ZNF469: variants seen among roughly 807,000 people sequenced by gnomAD.
ZNF469 encodes zinc finger protein 469.
In ZNF469, 1 loss-of-function variant was observed where a neutral mutation model predicts 1.0. That is an observed-to-expected ratio of 1.00 (90% CI 0.35 to 4.73). ZNF469 has a LOEUF of 4.73. ZNF469 is among the 30% of genes most tolerant of loss of function. The pLI, the probability that ZNF469 is intolerant of heterozygous loss-of-function variation, is 0.16. For missense variants in ZNF469, 6,100 were observed against 5,356.3 expected, an observed-to-expected ratio of 1.14 and a Z score of -4.33; for synonymous variants, 2,703 against 2,363.4, an observed-to-expected ratio of 1.14 and a Z score of -4.17.
At chr16:88,276,088 C>G in the ZNF469 span, among the ~76,000 whole-genome samples, 1 of 152,176 alleles carries the variant, frequency 6.6e-6, no homozygotes, top group Non-Finnish European at 1.5e-5. Context: ...GTGGACACCC[C>G]CTCTGGGGCA....
At chr16:88,177,655 G>A in the ZNF469 span, 1 of 152,210 alleles carries the variant, frequency 6.6e-6, no homozygotes, top group Admixed American at 6.5e-5. The surrounding 1 kb of genome is among the most constrained non-coding windows in gnomAD (Gnocchi z 4.8). Context: ...TGTTGCATCA[G>A]AGTGAAACTC....
chr16:88,425,292 T>C (rs905539413), intron 2 of ZNF469, among the ~76,000 whole-genome samples: 1 of 152,118 alleles, frequency 6.6e-6, no homozygotes, highest in African/African-American at 2.4e-5. Flanking sequence ...CCCCTCCTCC[T>C]CCATCACCTC....
the ZNF469 span, among the ~76,000 whole-genome samples, chr16:88,364,519 G>T: frequency 2.1e-5 from 3 of 141,976 alleles, no homozygotes; most frequent in Admixed American, 7.1e-5. Flanking sequence ...AAAAAAAGCT[G>T]CTGGGATTTA....
At chr16:88,274,419 T>C in the ZNF469 span, among the ~76,000 whole-genome samples, 1 of 152,226 alleles carries the variant, frequency 6.6e-6, no homozygotes, top group Non-Finnish European at 1.5e-5. Context: ...TTATGTGTAT[T>C]TTACCACAAT....
chr16:88,432,031 G>T lies in ZNF469; in HGVS notation c.4561G>T (p.Gly1521Ter). 6.4e-7 allele frequency: 1 copy of T among 1,550,426 alleles called. No homozygotes were observed. Among genetic ancestry groups the T allele is most frequent in the Non-Finnish European group, 8.7e-7 (1 of 1,146,976 alleles). The change falls in exon 3 of 3, where the codon GGA becomes TGA. Residue 1521 changes from glycine (G) to a stop codon, truncating the protein, a stop_gained. Transcript: ENST00000565624. LOFTEE classifies it low-confidence loss of function (END_TRUNC). ...TAGCCATTTTCCTGATCTCTCGGGG[G>T]GAAAGGTGCTCAGTAAGACGTGTCC... ...LPSHFPDLSG[G>*]KVLSKTCPPE...
At chr16:88,349,340 C>G in the ZNF469 span, among the ~76,000 whole-genome samples, 1 of 152,016 alleles carries the variant, frequency 6.6e-6, no homozygotes, top group African/African-American at 2.4e-5. Context: ...ATGAGCACCA[C>G]ACACCACACA....
chr16:88,123,807 CTT>C, the ZNF469 span, among the ~76,000 whole-genome samples: 13 of 152,098 alleles, frequency 8.5e-5, no homozygotes, highest in African/African-American at 3.1e-4. Flanking sequence ...ATATTTGACT[CTT>C]TTTTAAATTT....
the ZNF469 span, among the ~76,000 whole-genome samples, chr16:88,203,726 C>T: frequency 7.5e-5 from 9 of 119,920 alleles, no homozygotes; most frequent in South Asian, 1.3e-3. Flanking sequence ...CTGTGTCTGT[C>T]CCTGTGTGTG....
chr16:88,432,752 G>T lies in ZNF469; in HGVS notation c.5282G>T (p.Ser1761Ile), dbSNP rs1906289208. ...AAGGAGGCCGCCAGCTCACAAGAAA[G>T]TGAAGACTCCCTGCGGCTGCTTCCC... ...KNKEAASSQESEDSLRLLPCE... is the reference protein window; with the variant it reads ...KNKEAASSQEIEDSLRLLPCE... The change falls in exon 3 of 3, where the codon AGT (serine) becomes ATT (isoleucine). Residue 1761 changes from serine to isoleucine, a missense_variant. Ser to Ile is a moderately radical substitution (Grantham distance 142, BLOSUM62 -2). Coordinates refer to ENST00000565624, the MANE Select transcript of ZNF469 (RefSeq NM_001367624.2). 1 of 1,550,314 alleles carries T rather than the reference G, an allele frequency of 6.5e-7. No individual in the cohort carries two copies. Among genetic ancestry groups the T allele is most frequent in the African/African-American group, 1.4e-5 (1 of 73,062 alleles).
the ZNF469 span, among the ~76,000 whole-genome samples, chr16:88,112,418 C>G: frequency 6.6e-6 from 1 of 152,308 alleles, no homozygotes; most frequent in South Asian, 2.1e-4. Context: ...ACGAGGGTTC[C>G]CTTTTCCCAC....
chr16:88,282,196 C>T, the ZNF469 span, among the ~76,000 whole-genome samples: 1 of 152,180 alleles, frequency 6.6e-6, no homozygotes, highest in Non-Finnish European at 1.5e-5. Context: ...CACCTTCAGC[C>T]AGGCTCAAGG....
At chr16:88,158,672 G>A in the ZNF469 span, among the ~76,000 whole-genome samples, 2 of 152,210 alleles carry the variant, frequency 1.3e-5, no homozygotes, top group African/African-American at 4.8e-5. Context: ...GGAGAATGTG[G>A]CCACCGCTGC....
chr16:88,319,943 T>A, the ZNF469 span, among the ~76,000 whole-genome samples: 1 of 152,128 alleles, frequency 6.6e-6, no homozygotes, highest in Non-Finnish European at 1.5e-5. Context: ...TCATGTGGGG[T>A]CAGTGAGGGT....
At position 88,436,462 on chromosome 16, in the gene ZNF469, C is replaced by T. The variant is rs1906581372; in HGVS notation, c.8992C>T (p.Arg2998Ter). ...GCTGCACATGGTCCCAGCGGCTTGG[C>T]GAGGCCTGGAGATGCCGGCCCCTGC... is the stretch of plus-strand genomic sequence containing the variant. ...PELHMVPAAWRGLEMPAPADD... is the reference protein window; with the variant it reads ...PELHMVPAAW The change falls in exon 3 of 3, where the codon CGA becomes TGA. Residue 2998 changes from arginine to a stop codon, truncating the protein, a stop_gained. Coordinates refer to ENST00000565624, the MANE Select transcript of ZNF469 (RefSeq NM_001367624.2). LOFTEE classifies it low-confidence loss of function (END_TRUNC). The T allele has an allele frequency of 1.9e-6, 3 of 1,546,832 alleles. No homozygotes were observed. The highest frequency in any genetic ancestry group is 8.7e-7 in the Non-Finnish European group (1 of 1,146,960).
At chr16:88,253,367 G>T in the ZNF469 span, among the ~76,000 whole-genome samples, 1 of 152,030 alleles carries the variant, frequency 6.6e-6, no homozygotes, top group African/African-American at 2.4e-5. Context: ...GGCTTGTCTT[G>T]TTTTTTCCTT....
rs533289994 is a variant in ZNF469, at chr16:88,428,400, G to A, written c.930G>A (p.Gln310=). 4 of 1,548,428 alleles carry A rather than the reference G, an allele frequency of 2.6e-6. No individual in the cohort carries two copies. The highest frequency in any genetic ancestry group is 2.7e-5 in the African/African-American group (2 of 73,162). Residue 310 remains glutamine, a synonymous_variant, in exon 3 of 3, where the codon CAG becomes CAA. Transcript: ENST00000565624. The part of the protein sequence containing the change: ...GPLVFAFHQP[Q]GAWPEEAVGT... Reference sequence around the variant, plus strand: ...TGGTGTTTGCCTTCCATCAGCCCCAGGGAGCGTGGCCGGAGGAGGCCGTGG... The same window carrying A: ...TGGTGTTTGCCTTCCATCAGCCCCAAGGAGCGTGGCCGGAGGAGGCCGTGG...
At chr16:88,207,649 G>C in the ZNF469 span, among the ~76,000 whole-genome samples, 1 of 151,046 alleles carries the variant, frequency 6.6e-6, no homozygotes. Flanking sequence ...CCAAGGTGTC[G>C]ACGGGGCCGC....
Position 88,428,666 on chromosome 16 carries a change from G to C in ZNF469, c.1196G>C (p.Ser399Thr), listed in dbSNP as rs1905882597. 6 of 1,549,844 alleles carry C rather than the reference G, an allele frequency of 3.9e-6. No individual in the cohort carries two copies. Among genetic ancestry groups the C allele is most frequent in the Non-Finnish European group, 5.2e-6 (6 of 1,146,822 alleles). ...DGLGSTRGPP[S>T]SLPQRHFPGQ... ...CTGGGGAGCACGAGAGGGCCCCCTA[G>C]CTCCCTACCCCAGAGGCACTTTCCA... Residue 399 changes from serine (S) to threonine (T), a missense_variant, in exon 3 of 3, where the codon AGC becomes ACC. Physicochemically the swap from Ser to Thr is moderately conservative, Grantham distance 58 (BLOSUM62 1). Coordinates refer to ENST00000565624, the MANE Select transcript of ZNF469 (RefSeq NM_001367624.2).
At chr16:88,193,099 TTGATGGTGGTGGTGG>T in the ZNF469 span, among the ~76,000 whole-genome samples, 14 of 13,800 alleles carry the variant, frequency 1.0e-3, 1 homozygote, top group South Asian at 6.7e-3. Flanking sequence ...GGTGATGGTG[TTGATGGTGGTGGTGG>T]TGATGGTGGT....
Sources: gnomAD v4.1 joint callset for allele counts (sites outside exome capture counted in the v4.1 genomes callset) on GRCh38, gnomAD v4.1.1 for gene constraint, Gnocchi (gnomAD v3.1) non-coding constraint, MANE v1.5 for transcripts, NCBI Gene and HGNC (gene_info 2026-07-23, HGNC 2026-07-21) for gene names.